SREBF2: variants seen among roughly 807,000 people sequenced by gnomAD.
The protein encoded by SREBF2 is sterol regulatory element binding transcription factor 2, also known as sterol regulatory element-binding protein 2.
SREBF2 carries 55 observed loss-of-function variants against 113.1 expected under a neutral mutation model. The observed-to-expected ratio is 0.49, with a 90% CI of 0.39 to 0.61. The LOEUF (loss-of-function observed/expected upper bound fraction) is 0.61. Ranked by LOEUF, SREBF2 falls within the 20% of genes least tolerant of loss-of-function variation. SREBF2 has a pLI of 0.00. For synonymous variants in SREBF2, 593 were observed against 605.7 expected (o/e 0.98, Z 0.31); for missense variants, 1,349 against 1,487.4 (o/e 0.91, Z 1.53).
At chr22:41,877,678 C>G (rs2077209362) in intron 8 of SREBF2, among the ~76,000 whole-genome samples, 1 of 152,134 alleles carries the variant, frequency 6.6e-6, no homozygotes, top group Admixed American at 6.5e-5. Context: ...GGGGTGGTAC[C>G]TATTTGAAGG....
intron 2 of SREBF2, among the ~76,000 whole-genome samples, chr22:41,867,535 G>A (rs764166051): frequency 7.9e-5 from 12 of 152,052 alleles, no homozygotes; most frequent in South Asian, 2.1e-4. Context: ...GGCCGGGCGC[G>A]GTGGCTCACG....
At chr22:41,876,075 T>A (rs1161981285) in intron 7 of SREBF2, among the ~76,000 whole-genome samples, 1 of 152,230 alleles carries the variant, frequency 6.6e-6, no homozygotes, top group Non-Finnish European at 1.5e-5. Flanking sequence ...AAGACCACTT[T>A]GGGAGGCTGA....
rs555180288 is a variant in SREBF2, at chr22:41,899,200, C to T, written c.2738+419C>T. 8.0e-5 allele frequency: 89 copies of T among 1,113,884 alleles called. No homozygotes were observed. In the African/African-American group the frequency reaches 1.3e-3, roughly 16 times the overall value. 69.0% of individuals were successfully genotyped at this position (1,113,884 alleles called of 1,614,324 possible). A position where few individuals can be genotyped will look rare whatever the true frequency, so the allele number is the denominator to read the frequency against. ...AACTCATGTGCACTGGAGCATCTTG[C>T]CCCTGTGTGCTAGCATTTTATCCAC... On this transcript the variant is annotated intron_variant, in intron 15 of 18. Coordinates refer to ENST00000361204, the MANE Select transcript of SREBF2 (RefSeq NM_004599.4).
At chr22:41,888,368 C>T (rs745970242) in intron 11 of SREBF2, among the ~76,000 whole-genome samples, 1 of 152,160 alleles carries the variant, frequency 6.6e-6, no homozygotes, top group Non-Finnish European at 1.5e-5. Context: ...ATCTACCTGA[C>T]GCAGAACCTG....
intron 1 of SREBF2, among the ~76,000 whole-genome samples, chr22:41,862,777 T>C (rs2077038615): frequency 6.6e-6 from 1 of 152,230 alleles, no homozygotes; most frequent in South Asian, 2.1e-4. Flanking sequence ...GAGCTTCCCA[T>C]CACTCCTTTC....
chr22:41,872,898 A>AAAAAAC (rs1457426628), intron 4 of SREBF2, among the ~76,000 whole-genome samples: 57 of 149,546 alleles, frequency 3.8e-4, no homozygotes, highest in African/African-American at 1.3e-3. Context: ...GTCTCAAAAA[A>AAAAAAC]AAAAACAAAA....
At chr22:41,860,372 A>G (rs1469323044) in intron 1 of SREBF2, among the ~76,000 whole-genome samples, 1 of 152,212 alleles carries the variant, frequency 6.6e-6, no homozygotes, top group Non-Finnish European at 1.5e-5. Context: ...TTTCAGCCTC[A>G]GTTAGTACTC....
intron 1 of SREBF2, among the ~76,000 whole-genome samples, chr22:41,835,231 A>ATAGAGATGAGGTCTCACTATGTTGCCAG (rs374467207): frequency 1.2e-5 from 1 of 84,738 alleles, no homozygotes; most frequent in Non-Finnish European, 2.4e-5. Context: ...GCACAATCAT[A>ATAGAGATGAGGTCTCACTATGTTGCCAG]GCACAAACTC....
chr22:41,882,504 C>G (rs1024284777), intron 10 of SREBF2, among the ~76,000 whole-genome samples: 1 of 152,078 alleles, frequency 6.6e-6, no homozygotes, highest in African/African-American at 2.4e-5. Context: ...CAGAAGAACA[C>G]CCTCATCTAA....
At chr22:41,855,394 C>T (rs778424886) in intron 1 of SREBF2, among the ~76,000 whole-genome samples, 13 of 151,910 alleles carry the variant, frequency 8.6e-5, no homozygotes, top group African/African-American at 2.4e-4. Context: ...GGTGTGGTGG[C>T]GGGCACCTGT....
intron 1 of SREBF2, among the ~76,000 whole-genome samples, chr22:41,847,922 T>TATTA (rs144054766): frequency 1.7e-4 from 25 of 148,482 alleles, no homozygotes; most frequent in African/African-American, 6.1e-4. Flanking sequence ...TTATTATTAT[T>TATTA]TTTTTTTTTT....
chr22:41,854,358 C>A (rs2076958612), intron 1 of SREBF2, among the ~76,000 whole-genome samples: 1 of 150,918 alleles, frequency 6.6e-6, no homozygotes, highest in Admixed American at 6.6e-5. Flanking sequence ...GATGGGGTTT[C>A]ACCATGTTGG....
chr22:41,877,696 C>T (rs1228664218), intron 8 of SREBF2, among the ~76,000 whole-genome samples: 2 of 152,172 alleles, frequency 1.3e-5, no homozygotes, highest in South Asian at 2.1e-4. Flanking sequence ...AGGAGGATAT[C>T]GTGTTTTTTA....
intron 1 of SREBF2, among the ~76,000 whole-genome samples, chr22:41,847,534 T>G (rs1276920259): frequency 6.6e-6 from 1 of 152,228 alleles, no homozygotes; most frequent in East Asian, 1.9e-4. Context: ...AAGCACTTAC[T>G]GAGCACCTGT....
At chr22:41,864,303 ATATATG>A (rs2077054476) in intron 1 of SREBF2, among the ~76,000 whole-genome samples, 1 of 109,620 alleles carries the variant, frequency 9.1e-6, no homozygotes, top group African/African-American at 4.1e-5. Flanking sequence ...AAATATATAT[ATATATG>A]TATATATATA....
chr22:41,854,370 C>G (rs964172369), intron 1 of SREBF2, among the ~76,000 whole-genome samples: 4 of 150,692 alleles, frequency 2.7e-5, no homozygotes, highest in Non-Finnish European at 5.9e-5. Context: ...CCATGTTGGC[C>G]AGGCTAGTCT....
chr22:41,901,142 C>A (rs1195821012), intron 16 of SREBF2: 1 of 364,016 alleles, frequency 2.7e-6, no homozygotes, highest in East Asian at 8.4e-5. Flanking sequence ...CAGGAGGGCA[C>A]CCAGCTGAAA....
chr22:41,863,032 A>T (rs2077040720), intron 1 of SREBF2, among the ~76,000 whole-genome samples: 1 of 152,184 alleles, frequency 6.6e-6, no homozygotes, highest in Admixed American at 6.5e-5. Context: ...TTTCAAGAGT[A>T]CTTGACAAAA....
chr22:41,873,684 A>G (rs1019612925), intron 4 of SREBF2, 114 bp from the exon 5 acceptor site: 14 of 1,050,122 alleles, frequency 1.3e-5, no homozygotes, highest in Admixed American at 2.0e-5. Flanking sequence ...CTCAGACCTC[A>G]TGAAGTACTG....
Sources: allele counts gnomAD v4.1 joint callset (sites outside exome capture counted in the v4.1 genomes callset), GRCh38; gene constraint gnomAD v4.1.1; transcripts MANE v1.5; gene names NCBI Gene and HGNC (gene_info 2026-07-23, HGNC 2026-07-21).